Variants in MICOS10 observed in about 807,000 individuals in gnomAD.
MICOS10 encodes the protein mitochondrial contact site and cristae organizing system subunit 10.
Under a neutral mutation model 13.4 loss-of-function variants are expected in MICOS10, and 5 were observed. The ratio of observed to expected loss-of-function variants is 0.37; its 90% CI spans 0.20 to 0.78. The LOEUF is 0.78. MICOS10 is among the 30% of genes least tolerant of loss of function. The pLI, the probability that MICOS10 is intolerant of heterozygous loss-of-function variation, is 0.47. For synonymous variants in MICOS10, 35 were observed against 33.6 expected (o/e 1.04, Z -0.15); for missense variants, 101 against 94.6 (o/e 1.07, Z -0.28).
At chr1:19,623,230 T>A (rs953262549) in intron 2 of MICOS10, among the ~76,000 whole-genome samples, 36 of 152,160 alleles carry the variant, frequency 2.4e-4, no homozygotes, top group African/African-American at 8.4e-4. Flanking sequence ...CTTTACTACT[T>A]ATTTTCCTCA....
chr1:19,603,870 G>A (rs1299371341), intron 1 of MICOS10, among the ~76,000 whole-genome samples: 3 of 152,140 alleles, frequency 2.0e-5, no homozygotes, highest in African/African-American at 7.2e-5. Flanking sequence ...TGGAGGGAGA[G>A]GTCCCAAAGC....
At chr1:19,612,401 TG>T (rs1340931712) in intron 1 of MICOS10, among the ~76,000 whole-genome samples, 1 of 151,728 alleles carries the variant, frequency 6.6e-6, no homozygotes, top group African/African-American at 2.4e-5. Context: ...AGGTTTTTTA[TG>T]GGGCTTGGTA....
chr1:19,624,743 G>A (rs2100336000), intron 3 of MICOS10, among the ~76,000 whole-genome samples: 1 of 152,310 alleles, frequency 6.6e-6, no homozygotes, highest in South Asian at 2.1e-4. Flanking sequence ...AGGAACATTG[G>A]AGGCTGGGTG....
At chr1:19,608,512 C>A in intron 1 of MICOS10, 2 of 1,101,572 alleles carry the variant, frequency 1.8e-6, no homozygotes, top group Non-Finnish European at 2.8e-6. Context: ...AGGACGTCAC[C>A]CCCATCCCCT....
At chr1:19,619,389 T>C (rs1737425) in intron 1 of MICOS10, among the ~76,000 whole-genome samples, 16,603 of 152,178 alleles carry the variant, frequency 0.11, 3,055 homozygotes, top group African/African-American at 0.38. Context: ...AAAGATTTTT[T>C]TAAAAGTAAA....
At chr1:19,614,505 G>A (rs2094876375) in intron 1 of MICOS10, 1 of 151,438 alleles carries the variant, frequency 6.6e-6, no homozygotes, top group East Asian at 1.9e-4. Flanking sequence ...TTTTAGTAGA[G>A]ACGGGGTTTC....
At chr1:19,601,717 A>T (rs1410529028) in intron 1 of MICOS10, among the ~76,000 whole-genome samples, 1 of 152,200 alleles carries the variant, frequency 6.6e-6, no homozygotes, top group Admixed American at 6.5e-5. Flanking sequence ...GTTTGAACTG[A>T]TAAATTAAGC....
At chr1:19,605,141 A>G (rs1011054469) in intron 1 of MICOS10, among the ~76,000 whole-genome samples, 2 of 152,190 alleles carry the variant, frequency 1.3e-5, no homozygotes, top group Non-Finnish European at 2.9e-5. Flanking sequence ...TCTTGTAGCT[A>G]TCACATGTTA....
At chr1:19,617,135 T>A (rs1453684985) in intron 1 of MICOS10, 1 of 229,428 alleles carries the variant, frequency 4.4e-6, no homozygotes, top group Non-Finnish European at 7.2e-6. Flanking sequence ...ACACACTCAT[T>A]TAAAAGGACC....
At chr1:19,625,755 T>G in intron 3 of MICOS10, 1 of 1,061,088 alleles carries the variant, frequency 9.4e-7, no homozygotes, top group Middle Eastern at 3.4e-4. Flanking sequence ...ATTGTTCCAT[T>G]TTTTACATTT....
intron 1 of MICOS10, among the ~76,000 whole-genome samples, chr1:19,615,264 G>A (rs975667567): frequency 8.5e-5 from 13 of 152,170 alleles, no homozygotes; most frequent in East Asian, 1.9e-4. Flanking sequence ...TTGGACTTTC[G>A]ATTTGTTCTT....
chr1:19,608,485 G>A (rs1558340342), intron 1 of MICOS10: 3 of 1,231,940 alleles, frequency 2.4e-6, no homozygotes, highest in African/African-American at 1.5e-5. Flanking sequence ...GCTCGGGTAT[G>A]AAGATCGGGA....
chr1:19,628,764 A>C lies in MICOS10; in HGVS notation c.*2363A>C, dbSNP rs1371609497. ...CCTCATTCAGGCAGAGAGAAGAATA[A>C]CATGCCCCCTTCCAAAAAAGACAAA... On this transcript the variant is annotated 3_prime_UTR_variant, in exon 4 of 4. Coordinates refer to ENST00000322753, the MANE Select transcript of MICOS10 (RefSeq NM_001032363.4). 1.3e-5 allele frequency: 2 copies of C among 152,154 alleles called. No individual in the cohort carries two copies. The highest frequency in any genetic ancestry group is 2.9e-5 in the Non-Finnish European group (2 of 68,032). 9.4% of individuals were successfully genotyped at this position (152,154 alleles called of 1,614,324 possible).
chr1:19,623,349 T>C, intron 2 of MICOS10, 125 bp from the exon 3 acceptor site: 1 of 645,040 alleles, frequency 1.6e-6, no homozygotes, highest in Non-Finnish European at 2.8e-6. Context: ...GTATGGTTAT[T>C]ATAGTCATTA....
At chr1:19,619,368 A>G (rs1256927222) in intron 1 of MICOS10, among the ~76,000 whole-genome samples, 1 of 152,258 alleles carries the variant, frequency 6.6e-6, no homozygotes, top group Non-Finnish European at 1.5e-5. Context: ...GATCTGTGGC[A>G]TGGTGAGAAC....
In MICOS10 at chr1:19,597,001, C is replaced by G; in HGVS notation, c.-45C>G. The G allele has an allele frequency of 1.9e-6, 3 of 1,557,402 alleles. No individual in the cohort carries two copies. The highest frequency in any genetic ancestry group is 1.4e-5 in the African/African-American group (1 of 70,476). ...CTCGCGAGACTTTCAGGGGTCGGAG[C>G]GCGGGGGCCGGCCGAGAGGAAAGCT... On this transcript the variant is annotated 5_prime_UTR_variant, in exon 1 of 4. Transcript: ENST00000322753.
At chr1:19,612,818 C>T (rs2094868959) in intron 1 of MICOS10, among the ~76,000 whole-genome samples, 1 of 152,172 alleles carries the variant, frequency 6.6e-6, no homozygotes, top group Admixed American at 6.5e-5. Flanking sequence ...CTTTCAACAC[C>T]TTTTCAGATG....
intron 1 of MICOS10, 116 bp downstream of exon 1, chr1:19,597,225 C>A: frequency 8.9e-7 from 1 of 1,120,634 alleles, no homozygotes; most frequent in Non-Finnish European, 1.2e-6. Context: ...TCGGCCTTTT[C>A]CGGCCCCTCC....
At chr1:19,611,281 A>G (rs2745227) in intron 1 of MICOS10, among the ~76,000 whole-genome samples, 16,593 of 152,028 alleles carry the variant, frequency 0.11, 3,068 homozygotes, top group African/African-American at 0.38. Flanking sequence ...CCATTTCAGC[A>G]TAGTCCTGTA....
Sources: allele counts gnomAD v4.1 joint callset (sites outside exome capture counted in the v4.1 genomes callset), GRCh38; gene constraint gnomAD v4.1.1; transcripts MANE v1.5; gene names NCBI Gene and HGNC (gene_info 2026-07-23, HGNC 2026-07-21).